KMT2C: variants seen among roughly 807,000 people sequenced by gnomAD.
KMT2C encodes histone-lysine N-methyltransferase 2C.
In KMT2C, 88 loss-of-function variants were observed where a neutral mutation model predicts 507.9. The observed-to-expected ratio is 0.17, with a 90% CI of 0.15 to 0.21. The LOEUF (loss-of-function observed/expected upper bound fraction) is 0.21. Ranked by LOEUF, KMT2C falls within the 10% of genes least tolerant of loss-of-function variation. The probability of loss-of-function intolerance (pLI) is 1.00; values close to 1 mark genes in which losing one functional copy is unlikely to be tolerated. For missense variants in KMT2C, 4,954 were observed against 5,957.8 expected, an observed-to-expected ratio of 0.83 and a Z score of 5.55; for synonymous variants, 2,049 against 2,080.8, an observed-to-expected ratio of 0.98 and a Z score of 0.42.
At chr7:152,432,101 T>C (rs1006988908) in intron 1 of KMT2C, among the ~76,000 whole-genome samples, 1 of 152,144 alleles carries the variant, frequency 6.6e-6, no homozygotes, top group African/African-American at 2.4e-5. Context: ...TAATAGCAAT[T>C]GCCCTCTGAA....
At chr7:152,411,743 G>A (rs77546301) in intron 1 of KMT2C, among the ~76,000 whole-genome samples, 86 of 139,626 alleles carry the variant, frequency 6.2e-4, no homozygotes, top group East Asian at 2.2e-3. Flanking sequence ...TAACCCAACA[G>A]GTCCATTTAA....
intron 2 of KMT2C, among the ~76,000 whole-genome samples, chr7:152,357,038 G>A (rs997591589): frequency 1.3e-4 from 19 of 151,046 alleles, no homozygotes; most frequent in Admixed American, 5.3e-4. Context: ...GACCAGCCTC[G>A]TCAACATGGC....
chr7:152,195,794 A>G, intron 28 of KMT2C, 113 bp downstream of exon 28: 1 of 602,244 alleles, frequency 1.7e-6, no homozygotes, highest in Admixed American at 4.0e-5. Flanking sequence ...ACAAAGCCAA[A>G]AACAAAAACA....
Position 152,180,760 on chromosome 7 carries a change from G to T in KMT2C, c.7100C>A (p.Thr2367Lys), listed in dbSNP as rs755315527. 2 of 1,614,128 alleles carry T rather than the reference G, an allele frequency of 1.2e-6. No individual in the cohort carries two copies. The highest frequency in any genetic ancestry group is 4.5e-5 in the East Asian group (2 of 44,884). Residue 2367 changes from threonine to lysine, a missense_variant, in exon 36 of 59, where the codon ACA becomes AAA. Physicochemically the swap from Thr to Lys is moderately conservative, Grantham distance 78. Coordinates refer to ENST00000262189, the MANE Select transcript of KMT2C (RefSeq NM_170606.3). Reference protein sequence around the residue: ...GPVPTSGVTDTQNTVNMAQAD... With the variant: ...GPVPTSGVTDKQNTVNMAQAD... ...TTGGGCCATATTTACAGTATTCTGT[G>T]TATCAGTTACTCCTGAAGTTGGCAC... is the stretch of plus-strand genomic sequence containing the variant.
intron 40 of KMT2C, among the ~76,000 whole-genome samples, chr7:152,169,644 C>T (rs2092874134): frequency 6.6e-6 from 1 of 152,102 alleles, no homozygotes; most frequent in African/African-American, 2.4e-5. Context: ...GACTAAATGC[C>T]ACTCCACAGC....
At chr7:152,171,759 T>C (rs2092972032) in intron 39 of KMT2C, among the ~76,000 whole-genome samples, 1 of 152,256 alleles carries the variant, frequency 6.6e-6, no homozygotes, top group Admixed American at 6.5e-5. Context: ...AGGAAATGTT[T>C]TCTCATTCCA....
In KMT2C at chr7:152,177,402, C is replaced by T. The variant is rs757388752; in HGVS notation, c.8051G>A (p.Gly2684Asp). 19 of 1,614,066 alleles carry T rather than the reference C, an allele frequency of 1.2e-5. No individual in the cohort carries two copies. Among genetic ancestry groups the T allele is most frequent in the Non-Finnish European group, 1.4e-5 (16 of 1,180,028 alleles). Residue 2684 changes from glycine (G) to aspartate (D), a missense_variant, in exon 38 of 59, where the codon GGT becomes GAT. Transcript: ENST00000262189. ...ATCAGAATCAAGTTTTTCCTCTAGACCATCAGAAGGCTGGGTGGTTATCTG... is the reference window on the plus strand; with the variant it reads ...ATCAGAATCAAGTTTTTCCTCTAGATCATCAGAAGGCTGGGTGGTTATCTG... ...NLQITTQPSD[G>D]LEEKLDSDDP... is the part of the protein sequence containing the mutation.
chr7:152,181,254 T>C lies in KMT2C; in HGVS notation c.6606A>G (p.Pro2202=), dbSNP rs773597526. Residue 2202 remains proline (P), a synonymous_variant, in exon 36 of 59, where the codon CCA becomes CCG. Transcript: ENST00000262189. ...TTGGTGTTCCAGGAGGATGAGCATA[T>C]GGATCAGAATGCCTCTGATTTGTTA... ...TPVTNQRHSD[P]YAHPPGTPRP... The C allele has an allele frequency of 7.4e-6, 12 of 1,614,024 alleles. No individual in the cohort carries two copies. The East Asian group carries it at 1.1e-4, about 15-fold the overall frequency.
rs757927593 is a variant in KMT2C at position 152,176,970 on chromosome 7, G to C, written c.8483C>G (p.Ser2828Cys). The change falls in exon 38 of 59, where the codon TCT (serine) becomes TGT (cysteine). Residue 2828 changes from serine (S) to cysteine (C), a missense_variant. Around this residue, in one of 29 missense-constraint regions of KMT2C, gnomAD observed 1,689 missense variants for 1,654.3 expected, o/e 1.02. Transcript: ENST00000262189. Reference protein sequence around the residue: ...VTNEVKTEVLSPNSKVESKCE... With the variant: ...VTNEVKTEVLCPNSKVESKCE... The stretch of plus-strand genomic sequence containing the variant: ...TTTGGATTCCACCTTAGAATTTGGA[G>C]ACAGTACTTCCGTTTTTACCTCATT... The C allele has an allele frequency of 6.2e-7, 1 of 1,614,060 alleles. No homozygotes were observed. The highest frequency in any genetic ancestry group is 8.5e-7 in the Non-Finnish European group (1 of 1,179,938).
intron 14 of KMT2C, among the ~76,000 whole-genome samples, chr7:152,241,975 AAATT>A (rs963715039): frequency 1.3e-4 from 20 of 152,328 alleles, no homozygotes; most frequent in Non-Finnish European, 2.6e-4. Context: ...TTCTGAAGAA[AAATT>A]ATCATTATAC....
intron 8 of KMT2C, among the ~76,000 whole-genome samples, chr7:152,263,391 T>G (rs1225773694): frequency 6.6e-6 from 1 of 152,204 alleles, no homozygotes; most frequent in Admixed American, 6.5e-5. Flanking sequence ...TAAGGCAAGA[T>G]GAATAGCCTC....
intron 9 of KMT2C, among the ~76,000 whole-genome samples, chr7:152,255,157 A>ATATGTGTGTG: frequency 7.8e-6 from 1 of 128,372 alleles, no homozygotes; most frequent in Non-Finnish European, 1.6e-5. Flanking sequence ...ATATATATAT[A>ATATGTGTGTG]TGTGTGTGTG....
intron 23 of KMT2C, among the ~76,000 whole-genome samples, chr7:152,213,886 C>T (rs1429257108): frequency 6.6e-6 from 1 of 151,826 alleles, no homozygotes; most frequent in Non-Finnish European, 1.5e-5. Flanking sequence ...AAAAAAATCC[C>T]AAATAACTGG....
At chr7:152,232,177 C>T (rs552405907) in intron 16 of KMT2C, among the ~76,000 whole-genome samples, 1 of 152,272 alleles carries the variant, frequency 6.6e-6, no homozygotes, top group South Asian at 2.1e-4. Flanking sequence ...CCGCACCCAG[C>T]CTAAAGGCAG....
Position 152,154,169 on chromosome 7 carries a change from G to C in KMT2C, c.12140-23C>G, listed in dbSNP as rs2091870697. 5.0e-6 allele frequency: 8 copies of C among 1,611,940 alleles called. No homozygotes were observed. The East Asian group carries it at 1.8e-4, about 36-fold the overall frequency. On this transcript the variant is annotated intron_variant, in intron 47 of 58. Transcript: ENST00000262189. ...AACCTTTAAAAAGAGAGAAAAAAAA[G>C]AGGAAAATAGTGTTAATGGATTTTC...
chr7:152,280,668 C>G (rs552530941), intron 6 of KMT2C, among the ~76,000 whole-genome samples: 1 of 152,276 alleles, frequency 6.6e-6, no homozygotes, highest in African/African-American at 2.4e-5. Context: ...TGATTTGAAT[C>G]TTGTGAGACC....
At chr7:152,335,524 T>C (rs1051102736) in intron 2 of KMT2C, among the ~76,000 whole-genome samples, 14 of 152,182 alleles carry the variant, frequency 9.2e-5, no homozygotes, top group African/African-American at 3.4e-4. Context: ...CCAGATCCAT[T>C]TGTCTCCACT....
intron 10 of KMT2C, among the ~76,000 whole-genome samples, chr7:152,252,325 A>G (rs2095574990): frequency 6.6e-6 from 1 of 152,122 alleles, no homozygotes; most frequent in African/African-American, 2.4e-5. Flanking sequence ...ACTTTTCCCT[A>G]TTAGTGCTCA....
intron 2 of KMT2C, among the ~76,000 whole-genome samples, chr7:152,350,724 G>A (rs1329571958): frequency 6.6e-6 from 1 of 152,130 alleles, no homozygotes. Flanking sequence ...CACTAAAGTA[G>A]GCTTTATAAA....
Sources: allele counts gnomAD v4.1 joint callset (sites outside exome capture counted in the v4.1 genomes callset), GRCh38; gene constraint gnomAD v4.1.1; regional missense constraint gnomAD v4.1.1; transcripts MANE v1.5; gene names NCBI Gene and HGNC (gene_info 2026-07-23, HGNC 2026-07-21).